The following PRKG1 variants were observed in gnomAD, a reference collection of about 807,000 sequenced individuals.
PRKG1 encodes cGMP-dependent protein kinase 1.
PRKG1 carries 35 observed loss-of-function variants against 88.1 expected under a neutral mutation model. The observed-to-expected ratio is 0.40, with a 90% CI of 0.30 to 0.53. The LOEUF (loss-of-function observed/expected upper bound fraction) is 0.53, where lower values mean the gene tolerates loss of function less well. PRKG1 is among the 20% of genes least tolerant of loss of function. PRKG1 has a pLI of 0.59. For synonymous variants in PRKG1, 303 were observed against 292.5 expected, an observed-to-expected ratio of 1.04 and a Z score of -0.37; for missense variants, 540 against 839.8, an observed-to-expected ratio of 0.64 and a Z score of 4.41.
intron 2 of PRKG1, among the ~76,000 whole-genome samples, chr10:51,303,659 G>T (rs1229050482): frequency 1.3e-5 from 2 of 151,864 alleles, no homozygotes; most frequent in Admixed American, 1.3e-4. Context: ...ACTTTTTGGA[G>T]AAGATAATAA....
intron 9 of PRKG1, among the ~76,000 whole-genome samples, chr10:52,228,064 C>T (rs1194518): frequency 0.9 from 136,361 of 152,156 alleles, 61,560 homozygotes; most frequent in Middle Eastern, 0.96. Flanking sequence ...TAATTTCTCA[C>T]GATTTGGAAT....
chr10:51,428,016 A>G (rs549049561), intron 2 of PRKG1, among the ~76,000 whole-genome samples: 3 of 152,332 alleles, frequency 2.0e-5, no homozygotes, highest in South Asian at 4.1e-4. Context: ...GACAGAGCAC[A>G]GTAAGAGTAG....
intron 2 of PRKG1, among the ~76,000 whole-genome samples, chr10:51,349,241 C>T (rs1013042379): frequency 2.0e-5 from 3 of 152,110 alleles, no homozygotes; most frequent in African/African-American, 4.8e-5. Context: ...TGGAAGACTA[C>T]GGATTTCTGT....
intron 9 of PRKG1, among the ~76,000 whole-genome samples, chr10:52,200,848 C>T (rs1839645951): frequency 6.6e-6 from 1 of 152,012 alleles, no homozygotes; most frequent in Admixed American, 6.6e-5. Flanking sequence ...TGGCTGCATG[C>T]ATGTCTCTTT....
chr10:51,778,472 G>A (rs768743862), intron 3 of PRKG1, among the ~76,000 whole-genome samples: 1 of 152,158 alleles, frequency 6.6e-6, no homozygotes, highest in Non-Finnish European at 1.5e-5. Flanking sequence ...GCAGGGGGAT[G>A]CAGGATGCTG....
chr10:51,614,901 T>C (rs1839005813), intron 3 of PRKG1, among the ~76,000 whole-genome samples: 1 of 152,022 alleles, frequency 6.6e-6, no homozygotes, highest in South Asian at 2.1e-4. Flanking sequence ...TGGCTAGCAG[T>C]ATTTTTTTCT....
intron 3 of PRKG1, among the ~76,000 whole-genome samples, chr10:51,487,949 T>C (rs998537694): frequency 6.6e-6 from 1 of 152,166 alleles, no homozygotes. Flanking sequence ...GTTTTAAAAA[T>C]AGACAATCAG....
At chr10:51,283,864 C>G (rs1172010439) in intron 2 of PRKG1, among the ~76,000 whole-genome samples, 1 of 152,090 alleles carries the variant, frequency 6.6e-6, no homozygotes, top group African/African-American at 2.4e-5. Context: ...CAGGCTAAAA[C>G]CCAATTTTAT....
At chr10:51,495,954 C>A (rs1840839030) in intron 3 of PRKG1, among the ~76,000 whole-genome samples, 1 of 152,076 alleles carries the variant, frequency 6.6e-6, no homozygotes, top group Non-Finnish European at 1.5e-5. Flanking sequence ...AAGTTTTAAG[C>A]TGTTTTGTAT....
chr10:51,797,453 A>G, intron 3 of PRKG1, among the ~76,000 whole-genome samples: 1 of 146,000 alleles, frequency 6.8e-6, no homozygotes, highest in East Asian at 2.0e-4. Flanking sequence ...TATTTATACT[A>G]TATTTATAAT....
chr10:51,850,394 C>T (rs946536849), intron 4 of PRKG1, among the ~76,000 whole-genome samples: 9 of 152,088 alleles, frequency 5.9e-5, no homozygotes, highest in African/African-American at 9.7e-5. Context: ...CCAGGTTGGT[C>T]GCAAATTCCT....
intron 2 of PRKG1, among the ~76,000 whole-genome samples, chr10:51,372,958 A>G (rs549280483): frequency 6.6e-6 from 1 of 152,204 alleles, no homozygotes; most frequent in African/African-American, 2.4e-5. Context: ...TTTTTAACTT[A>G]TGTTCGTGAC....
intron 2 of PRKG1, among the ~76,000 whole-genome samples, chr10:51,301,080 T>C (rs999250002): frequency 2.0e-5 from 3 of 152,138 alleles, no homozygotes; most frequent in African/African-American, 7.2e-5. Context: ...GGAGAAATAT[T>C]AGGAAATCTG....
At chr10:52,282,130 T>C (rs1360203450) in intron 13 of PRKG1, 23 bp from the exon 14 acceptor site, 1 of 1,562,840 alleles carries the variant, frequency 6.4e-7, no homozygotes, top group South Asian at 1.2e-5. Flanking sequence ...AGCTTAAGTA[T>C]CTTGTTTTTC....
intron 9 of PRKG1, among the ~76,000 whole-genome samples, chr10:52,221,183 C>T (rs930896880): frequency 2.0e-5 from 3 of 151,908 alleles, no homozygotes; most frequent in East Asian, 3.9e-4. Context: ...GATTGTTGGC[C>T]GCATGTACAG....
chr10:52,063,736 A>G (rs777617613), intron 7 of PRKG1, among the ~76,000 whole-genome samples: 1 of 152,150 alleles, frequency 6.6e-6, no homozygotes, highest in Non-Finnish European at 1.5e-5. Flanking sequence ...AGCTCTTAGC[A>G]GAGAGGGTAG....
chr10:51,443,933 T>C (rs1839195108), intron 2 of PRKG1, among the ~76,000 whole-genome samples: 1 of 150,036 alleles, frequency 6.7e-6, no homozygotes, highest in Admixed American at 6.7e-5. Flanking sequence ...TAAAAATACA[T>C]TCATCTCTTG....
At chr10:52,190,093 T>G (rs899533644) in intron 9 of PRKG1, among the ~76,000 whole-genome samples, 5 of 152,154 alleles carry the variant, frequency 3.3e-5, no homozygotes, top group African/African-American at 4.8e-5. Context: ...GCTCAAATAG[T>G]CCAAATTAGT....
chr10:51,238,077 T>C (rs1231305241), intron 2 of PRKG1, among the ~76,000 whole-genome samples: 1 of 152,334 alleles, frequency 6.6e-6, no homozygotes, highest in Non-Finnish European at 1.5e-5. Context: ...AAATTGAATC[T>C]ACTATTAATA....
Sources: allele counts gnomAD v4.1 joint callset (sites outside exome capture counted in the v4.1 genomes callset), GRCh38; gene constraint gnomAD v4.1.1; transcripts MANE v1.5; gene names NCBI Gene and HGNC (gene_info 2026-07-23, HGNC 2026-07-21).